The following DDHD1 variants were observed in gnomAD, a reference collection of about 807,000 sequenced individuals.
DDHD1 encodes the protein DDHD domain containing 1.
A neutral mutation model predicts 96.4 loss-of-function variants in DDHD1; 49 were observed. The observed-to-expected ratio is 0.51, with a 90% CI of 0.40 to 0.64. The LOEUF (loss-of-function observed/expected upper bound fraction) is 0.64. DDHD1 is among the 30% of genes least tolerant of loss of function. The pLI is 0.00. For missense variants in DDHD1, 1,106 were observed against 1,161.2 expected, an observed-to-expected ratio of 0.95 and a Z score of 0.69; for synonymous variants, 442 against 446.5, an observed-to-expected ratio of 0.99 and a Z score of 0.13.
intron 9 of DDHD1, among the ~76,000 whole-genome samples, chr14:53,056,903 T>A (rs1336027291): frequency 6.6e-6 from 1 of 152,178 alleles, no homozygotes; most frequent in Non-Finnish European, 1.5e-5. Context: ...TGAACTGAAA[T>A]TCACTTTCAA....
chr14:53,121,067 A>G (rs539298556), intron 1 of DDHD1, among the ~76,000 whole-genome samples: 1 of 152,308 alleles, frequency 6.6e-6, no homozygotes, highest in South Asian at 2.1e-4. Flanking sequence ...AATATCCAGA[A>G]TCTACAAGGA....
chr14:53,120,032 T>G (rs545601119), intron 1 of DDHD1, among the ~76,000 whole-genome samples: 20 of 152,182 alleles, frequency 1.3e-4, no homozygotes, highest in Non-Finnish European at 8.8e-5. Context: ...AATGACATGA[T>G]TGTATATTTA....
rs557212894 is a variant in DDHD1 at position 53,136,676 on chromosome 14, A to G, written c.838+15585T>C. Reference sequence around the variant, plus strand: ...GTTCCAATCAGCAGTCAGAATATAAAAACCTAATCCAAGAGGCAGTGAGCA... The same window carrying G: ...GTTCCAATCAGCAGTCAGAATATAAGAACCTAATCCAAGAGGCAGTGAGCA... On this transcript the variant is annotated intron_variant, in intron 1 of 12. Transcript: ENST00000673822. Among the ~76,000 whole-genome samples the G allele has an allele frequency of 3.9e-5, 6 of 152,344 alleles. No homozygotes were observed. In the South Asian group the frequency reaches 1.2e-3, roughly 32 times the overall value.
intron 1 of DDHD1, among the ~76,000 whole-genome samples, chr14:53,124,771 C>T (rs1177439365): frequency 6.6e-6 from 1 of 152,190 alleles, no homozygotes; most frequent in Non-Finnish European, 1.5e-5. Context: ...GATTTATTGT[C>T]TCTGTATTAG....
At chr14:53,134,615 A>G (rs562098074) in intron 1 of DDHD1, among the ~76,000 whole-genome samples, 2 of 149,002 alleles carry the variant, frequency 1.3e-5, no homozygotes, top group Non-Finnish European at 1.5e-5. Context: ...AAAAAAAAAG[A>G]GCAGACTCTA....
At chr14:53,142,426 A>C (rs1164328096) in intron 1 of DDHD1, among the ~76,000 whole-genome samples, 2 of 152,044 alleles carry the variant, frequency 1.3e-5, no homozygotes, top group Non-Finnish European at 2.9e-5. Context: ...CATCATAAGA[A>C]GAATTGTGGG....
chr14:53,109,880 C>T (rs772219348), intron 1 of DDHD1, among the ~76,000 whole-genome samples: 29 of 152,176 alleles, frequency 1.9e-4, no homozygotes, highest in Admixed American at 3.9e-4. Context: ...CATAATACAA[C>T]CTATACTCTC....
At chr14:53,142,215 G>C (rs147323447) in intron 1 of DDHD1, among the ~76,000 whole-genome samples, 9 of 152,348 alleles carry the variant, frequency 5.9e-5, no homozygotes, top group Admixed American at 2.0e-4. Context: ...AAAGATCTGT[G>C]TATCTGTTCC....
intron 1 of DDHD1, among the ~76,000 whole-genome samples, chr14:53,150,764 G>A (rs769674760): frequency 2.0e-4 from 30 of 152,116 alleles, no homozygotes; most frequent in African/African-American, 7.0e-4. Flanking sequence ...GAAAGGGTAA[G>A]GATTTTCCTT....
At chr14:53,060,425 G>C (rs998131479) in intron 8 of DDHD1, among the ~76,000 whole-genome samples, 3 of 152,102 alleles carry the variant, frequency 2.0e-5, no homozygotes, top group African/African-American at 7.2e-5. Flanking sequence ...CTCTCTCACT[G>C]CCTCCTTGTC....
intron 1 of DDHD1, among the ~76,000 whole-genome samples, chr14:53,110,507 T>C (rs1185054347): frequency 6.6e-6 from 1 of 152,256 alleles, no homozygotes; most frequent in African/African-American, 2.4e-5. Flanking sequence ...AGCTAGCTTT[T>C]ACATTTACTT....
At chr14:53,063,295 C>T in intron 6 of DDHD1, 90 bp from the exon 7 acceptor site, 2 of 1,401,542 alleles carry the variant, frequency 1.4e-6, no homozygotes, top group Admixed American at 4.5e-5. Context: ...GGTAGAAAAA[C>T]ATACATTACC....
intron 6 of DDHD1, among the ~76,000 whole-genome samples, chr14:53,069,154 C>T (rs1168712670): frequency 6.6e-6 from 1 of 152,164 alleles, no homozygotes; most frequent in Non-Finnish European, 1.5e-5. Flanking sequence ...GAGCATCTTC[C>T]TACCTTCTGT....
chr14:53,071,177 T>A (rs1042380337), intron 6 of DDHD1, among the ~76,000 whole-genome samples: 1 of 152,076 alleles, frequency 6.6e-6, no homozygotes, highest in Non-Finnish European at 1.5e-5. Flanking sequence ...ATACAAAAAT[T>A]AAGTGTTACA....
chr14:53,075,527 G>A (rs1884880432), intron 4 of DDHD1, among the ~76,000 whole-genome samples: 1 of 152,194 alleles, frequency 6.6e-6, no homozygotes. Context: ...AAGGAAAGAA[G>A]CTGTCTCCAT....
In DDHD1 at chr14:53,063,158, G is replaced by A. The variant is rs1883742047; in HGVS notation, c.1551C>T (p.Phe517=). 5 of 1,613,952 alleles carry A rather than the reference G, an allele frequency of 3.1e-6. No individual in the cohort carries two copies. In the South Asian group the frequency reaches 3.3e-5, roughly 11 times the overall value. The change falls in exon 7 of 13, where the codon TTC becomes TTT. Residue 517 remains phenylalanine (F), a synonymous_variant. Transcript: ENST00000673822. ...QQELNRLYSL[F]CSRNPDFEEK... is the part of the protein sequence containing the mutation. ...CTTCAAAGTCTGGATTCCGAGAACA[G>A]AAAAGGGAATACAATCGATTCAGCT...
chr14:53,097,214 C>T (rs1289031599), intron 2 of DDHD1, among the ~76,000 whole-genome samples: 1 of 151,834 alleles, frequency 6.6e-6, no homozygotes, highest in African/African-American at 2.4e-5. Flanking sequence ...TGCTCAAATA[C>T]AAAAATATTT....
At chr14:53,115,036 C>T (rs927023000) in intron 1 of DDHD1, among the ~76,000 whole-genome samples, 6 of 152,202 alleles carry the variant, frequency 3.9e-5, no homozygotes, top group Middle Eastern at 3.4e-3. Context: ...CATAAATGAC[C>T]TGATGGAGTT....
intron 1 of DDHD1, among the ~76,000 whole-genome samples, chr14:53,144,106 CAAAT>C (rs1797060256): frequency 1.3e-5 from 2 of 152,112 alleles, no homozygotes; most frequent in South Asian, 4.1e-4. Context: ...CCTACCAAAA[CAAAT>C]AGATAATGTA....
Sources: allele counts gnomAD v4.1 joint callset (sites outside exome capture counted in the v4.1 genomes callset), GRCh38; gene constraint gnomAD v4.1.1; transcripts MANE v1.5; gene names NCBI Gene and HGNC (gene_info 2026-07-23, HGNC 2026-07-21).